The following OR8B3 variants were observed in gnomAD, a reference collection of about 807,000 sequenced individuals.
OR8B3 encodes the protein olfactory receptor family 8 subfamily B member 3.
For missense variants in OR8B3, 278 were observed against 377.6 expected, an observed-to-expected ratio of 0.74 and a Z score of 2.19; for synonymous variants, 102 against 135.4, an observed-to-expected ratio of 0.75 and a Z score of 1.71.
chr11:124,396,282 G>C lies in OR8B3; in HGVS notation c.*128C>G. The stretch of plus-strand genomic sequence containing the variant: ...AAAAAGAGACAAGATGATTTCATAA[G>C]AGAAATGATAAGACAAGTTTATTAA... On this transcript the variant is annotated 3_prime_UTR_variant, in exon 2 of 2. Transcript: ENST00000641139. 2 of 874,776 alleles carry C rather than the reference G, an allele frequency of 2.3e-6. No individual in the cohort carries two copies. Among genetic ancestry groups the C allele is most frequent in the Non-Finnish European group, 1.7e-6 (1 of 592,578 alleles). The allele number at this position is 874,776 out of a possible 1,614,324, so 54.2% of individuals were successfully genotyped here. A position where few individuals can be genotyped will look rare whatever the true frequency, so the allele number is the denominator to read the frequency against.
At chr11:124,408,742 G>C in the OR8B3 span, among the ~76,000 whole-genome samples, 8 of 152,254 alleles carry the variant, frequency 5.3e-5, no homozygotes, top group Admixed American at 3.3e-4. Flanking sequence ...ACTGGCTGAA[G>C]CAGGAAAGAG....
At chr11:124,403,181 G>T (rs1479541958), upstream of OR8B3, among the ~76,000 whole-genome samples, 2 of 152,248 alleles carry the variant, frequency 1.3e-5, no homozygotes, top group Non-Finnish European at 2.9e-5. Context: ...CAAGGCAGAA[G>T]AATTTTGCTT....
Position 124,396,726 on chromosome 11 carries a change from A to T in OR8B3, c.626T>A (p.Val209Glu), listed in dbSNP as rs370206362. Reference protein sequence around the residue: ...VLIVVGINIMVPSCTILISYV... With the variant: ...VLIVVGINIMEPSCTILISYV... Reference sequence around the variant, plus strand: ...AGAAATGAGGATGGTACAACTGGGTACCATGATATTAATACCCACAACAAT... The same window carrying T: ...AGAAATGAGGATGGTACAACTGGGTTCCATGATATTAATACCCACAACAAT... Residue 209 changes from valine to glutamate, a missense_variant, in exon 2 of 2, where the codon GTA becomes GAA. Physicochemically the swap from Val to Glu is moderately radical, Grantham distance 121. Coordinates refer to ENST00000641139, the MANE Select transcript of OR8B3 (RefSeq NM_001005467.2). 2 of 1,613,970 alleles carry T rather than the reference A, an allele frequency of 1.2e-6. No individual in the cohort carries two copies. The highest frequency in any genetic ancestry group is 2.2e-5 in the South Asian group (2 of 91,068).
upstream of OR8B3, among the ~76,000 whole-genome samples, chr11:124,401,462 A>G (rs1406151971): frequency 1.3e-5 from 2 of 152,234 alleles, no homozygotes; most frequent in African/African-American, 2.4e-5. Context: ...TATATATGAA[A>G]AGTGGTAAGA....
At chr11:124,406,402 C>T in the OR8B3 span, among the ~76,000 whole-genome samples, 1 of 152,040 alleles carries the variant, frequency 6.6e-6, no homozygotes, top group East Asian at 1.9e-4. Flanking sequence ...CATTCATATT[C>T]GCCTATATAT....
chr11:124,402,220 A>C (rs911028985), upstream of OR8B3, among the ~76,000 whole-genome samples: 20 of 152,218 alleles, frequency 1.3e-4, no homozygotes, highest in African/African-American at 4.1e-4. Context: ...AAGATGTACA[A>C]CAGTACCCAT....
chr11:124,396,748 C>A lies in OR8B3; in HGVS notation c.604G>T (p.Val202Phe). 1 of 1,613,914 alleles carries A rather than the reference C, an allele frequency of 6.2e-7. No homozygotes were observed. Among genetic ancestry groups the A allele is most frequent in the Non-Finnish European group, 8.5e-7 (1 of 1,179,864 alleles). ...GGTACCATGATATTAATACCCACAA[C>A]AATGAGAACAACCACCTCGTTGACA... ...TYVNEVVVLI[V>F]VGINIMVPSC... The change falls in exon 2 of 2, where the codon GTT becomes TTT. Residue 202 changes from valine to phenylalanine, a missense_variant. Physicochemically the swap from Val to Phe is conservative, Grantham distance 50. Transcript: ENST00000641139.
chr11:124,408,345 AG>A, the OR8B3 span, among the ~76,000 whole-genome samples: 5 of 152,214 alleles, frequency 3.3e-5, no homozygotes, highest in African/African-American at 1.2e-4. Context: ...GTTTGTTTCC[AG>A]TCTTTTGGGG....
chr11:124,398,332 A>G lies in OR8B3; in HGVS notation c.-18+358T>C, dbSNP rs668106. ...ACAGGTCTTTGTAGGAAGGCATAAGAGAAACATAATTAATTTGGGTACAGT... is the reference window on the plus strand; with the variant it reads ...ACAGGTCTTTGTAGGAAGGCATAAGGGAAACATAATTAATTTGGGTACAGT... On this transcript the variant is annotated intron_variant, in intron 1 of 1. Transcript: ENST00000641139. Among the ~76,000 whole-genome samples, 6 of 152,366 alleles carry G rather than the reference A, an allele frequency of 3.9e-5. No individual in the cohort carries two copies. In the East Asian group the frequency reaches 5.8e-4, roughly 15 times the overall value.
chr11:124,405,861 A>G, the OR8B3 span, among the ~76,000 whole-genome samples: 6 of 152,226 alleles, frequency 3.9e-5, no homozygotes, highest in Admixed American at 6.5e-5. Flanking sequence ...ATCCTGTGTC[A>G]TAGACCTACC....
intron 1 of OR8B3, among the ~76,000 whole-genome samples, chr11:124,398,063 G>C (rs1241468293): frequency 1.3e-5 from 2 of 152,070 alleles, no homozygotes. Context: ...ATGACCACCA[G>C]GTAAGGGAGG....
At chr11:124,406,638 C>T in the OR8B3 span, among the ~76,000 whole-genome samples, 70 of 152,262 alleles carry the variant, frequency 4.6e-4, no homozygotes, top group African/African-American at 1.5e-3. Flanking sequence ...CTTCATGTCC[C>T]AGAGAAGCTA....
rs2134203826 is a variant in OR8B3, at chr11:124,396,142, GGA to G, written c.*266_*267del. 2.9e-6 allele frequency: 1 copy of G among 346,914 alleles called. No individual in the cohort carries two copies. Among genetic ancestry groups the G allele is most frequent in the African/African-American group, 2.1e-5 (1 of 47,044 alleles). The allele number at this position is 346,914 out of a possible 1,614,324, so 21.5% of individuals were successfully genotyped here. ...TATATGTCCAATTAAGAACAGCCCAGGAGAGAGGAAGGATATAAAATGATAAT... is the reference window on the plus strand; with the variant it reads ...TATATGTCCAATTAAGAACAGCCCAGGAGAGGAAGGATATAAAATGATAAT... On this transcript the variant is annotated 3_prime_UTR_variant, in exon 2 of 2. Transcript: ENST00000641139.
upstream of OR8B3, among the ~76,000 whole-genome samples, chr11:124,403,821 A>C (rs1440667668): frequency 2.0e-5 from 3 of 152,224 alleles, no homozygotes; most frequent in Admixed American, 1.3e-4. Flanking sequence ...AGCCTGGGCA[A>C]CATTGAGCAC....
chr11:124,400,777 A>G (rs1401155358), upstream of OR8B3, among the ~76,000 whole-genome samples: 3 of 151,804 alleles, frequency 2.0e-5, no homozygotes, highest in Admixed American at 6.6e-5. Flanking sequence ...GGCTCAAACA[A>G]TCCTCCCACC....
At chr11:124,401,157 T>C (rs914655903), upstream of OR8B3, among the ~76,000 whole-genome samples, 4 of 151,500 alleles carry the variant, frequency 2.6e-5, no homozygotes, top group Non-Finnish European at 4.4e-5. Flanking sequence ...AAATCCAAGA[T>C]TGAGGTGTCA....
upstream of OR8B3, among the ~76,000 whole-genome samples, chr11:124,402,835 C>CTTT (rs200472893): frequency 9.4e-5 from 14 of 148,158 alleles, no homozygotes; most frequent in African/African-American, 2.5e-4. Flanking sequence ...AATGATGCTT[C>CTTT]TTTTTTTTTT....
At chr11:124,399,173 T>A (rs985141750), upstream of OR8B3, 4 of 152,328 alleles carry the variant, frequency 2.6e-5, no homozygotes, top group East Asian at 1.9e-4. Context: ...TCTGCTCTCA[T>A]GTATAAAGAT....
At position 124,396,689 on chromosome 11, in the gene OR8B3, A is replaced by G. The variant is rs200462109; in HGVS notation, c.663T>C (p.Ile221=). ...SCTILISYVF[I]VTSILHIKST... The stretch of plus-strand genomic sequence containing the variant: ...ATTTGATATGAAGAATGCTAGTGAC[A>G]ATGAAAACATAAGAAATGAGGATGG... Residue 221 remains isoleucine, a synonymous_variant, in exon 2 of 2, where the codon ATT becomes ATC. Coordinates refer to ENST00000641139, the MANE Select transcript of OR8B3 (RefSeq NM_001005467.2). 5.4e-4 allele frequency: 873 copies of G among 1,613,842 alleles called. 1 individual carries two copies. Among genetic ancestry groups the G allele is most frequent in the Admixed American group, 8.0e-4 (48 of 59,982 alleles).
Sources: gnomAD v4.1 joint callset for allele counts (sites outside exome capture counted in the v4.1 genomes callset) on GRCh38, gnomAD v4.1.1 for gene constraint, MANE v1.5 for transcripts, NCBI Gene and HGNC (gene_info 2026-07-23, HGNC 2026-07-21) for gene names.